The following SLC4A4 variants were observed in gnomAD, a reference collection of about 807,000 sequenced individuals.
SLC4A4 encodes electrogenic sodium bicarbonate cotransporter 1.
SLC4A4 carries 27 observed loss-of-function variants against 111.5 expected under a neutral mutation model. The ratio of observed to expected loss-of-function variants is 0.24; its 90% CI spans 0.18 to 0.33. The LOEUF is 0.33. SLC4A4 is among the 10% of genes least tolerant of loss of function. SLC4A4 has a pLI of 1.00. For synonymous variants in SLC4A4, 443 were observed against 463.4 expected (o/e 0.96, Z 0.57); for missense variants, 909 against 1,315.5 (o/e 0.69, Z 4.78).
At chr4:71,296,802 T>G (rs1361424625) in intron 3 of SLC4A4, among the ~76,000 whole-genome samples, 1 of 152,234 alleles carries the variant, frequency 6.6e-6, no homozygotes, top group Non-Finnish European at 1.5e-5. Context: ...TATTCTGTCC[T>G]TGTGGATCTG....
rs182420690 is a variant in SLC4A4, at chr4:71,206,091, A to T, written c.-2+18690A>T. 8.1e-4 allele frequency among the ~76,000 whole-genome samples: 123 copies of T among 152,308 alleles called. 2 individuals carry two copies. The highest frequency in any genetic ancestry group is 2.7e-3 in the African/African-American group (112 of 41,558). Reference sequence around the variant, plus strand: ...TTTGCCTCTCTATAGTTCTTTCCATAAGCAAAGTAGTTATTTTCCTGTAAG... The same window carrying T: ...TTTGCCTCTCTATAGTTCTTTCCATTAGCAAAGTAGTTATTTTCCTGTAAG... On this transcript the variant is annotated intron_variant, in intron 1 of 25. Transcript: ENST00000264485.
At chr4:71,235,748 T>C (rs1238035836) in intron 1 of SLC4A4, among the ~76,000 whole-genome samples, 3 of 152,210 alleles carry the variant, frequency 2.0e-5, no homozygotes, top group Non-Finnish European at 1.5e-5. Context: ...TTATTTAGCA[T>C]ATGAAATTGC....
chr4:71,536,565 C>T (rs1734520644), intron 18 of SLC4A4, among the ~76,000 whole-genome samples: 1 of 147,620 alleles, frequency 6.8e-6, no homozygotes, highest in African/African-American at 2.5e-5. Flanking sequence ...GGCTTGATCT[C>T]AGCTCAATTC....
At chr4:71,494,527 C>T (rs1224635756) in intron 15 of SLC4A4, among the ~76,000 whole-genome samples, 1 of 151,908 alleles carries the variant, frequency 6.6e-6, no homozygotes, top group Non-Finnish European at 1.5e-5. Context: ...GTTGCCCAGG[C>T]TAGTCTCAAA....
chr4:71,382,123 T>G (rs932664483), intron 6 of SLC4A4, among the ~76,000 whole-genome samples: 1 of 152,118 alleles, frequency 6.6e-6, no homozygotes, highest in Non-Finnish European at 1.5e-5. Flanking sequence ...AGATATTTTA[T>G]TGAGACTCCT....
At chr4:71,123,295 C>T (rs1219174854) in intron 2 of SLC4A4, among the ~76,000 whole-genome samples, 1 of 152,038 alleles carries the variant, frequency 6.6e-6, no homozygotes, top group Non-Finnish European at 1.5e-5. Flanking sequence ...ATGAAAAAGG[C>T]ATATAACCAT....
chr4:71,086,572 A>T (rs1198503076), intron 1 of SLC4A4, among the ~76,000 whole-genome samples: 2 of 152,012 alleles, frequency 1.3e-5, no homozygotes, highest in Admixed American at 1.3e-4. Flanking sequence ...ATTTTGAGAT[A>T]TGTCCCATCA....
chr4:71,329,075 G>GTT (rs1727734619), intron 3 of SLC4A4, among the ~76,000 whole-genome samples: 1 of 151,978 alleles, frequency 6.6e-6, no homozygotes, highest in South Asian at 2.1e-4. Context: ...CGAAGAAACT[G>GTT]TTTTTCCCCA....
chr4:71,483,086 T>C (rs758809117), intron 14 of SLC4A4, among the ~76,000 whole-genome samples: 2 of 151,698 alleles, frequency 1.3e-5, no homozygotes, highest in African/African-American at 2.4e-5. Flanking sequence ...ATTTTGTTAA[T>C]AATTATTTAC....
chr4:71,169,007 TTTTA>T (rs933305594), intron 2 of SLC4A4, among the ~76,000 whole-genome samples: 7 of 151,866 alleles, frequency 4.6e-5, no homozygotes, highest in Non-Finnish European at 2.9e-5. Flanking sequence ...GCAGCTCTAT[TTTTA>T]TTTATTTATT....
chr4:71,206,847 C>A (rs1019478575), intron 1 of SLC4A4, among the ~76,000 whole-genome samples: 2 of 151,062 alleles, frequency 1.3e-5, no homozygotes, highest in Non-Finnish European at 3.0e-5. Flanking sequence ...GGTTTCCGAC[C>A]CTAGTGATTG....
intron 12 of SLC4A4, among the ~76,000 whole-genome samples, chr4:71,459,156 G>GT (rs1283473299): frequency 6.6e-6 from 1 of 151,900 alleles, no homozygotes; most frequent in African/African-American, 2.4e-5. Flanking sequence ...TATTTGGTGG[G>GT]TTTTTTTATT....
chr4:71,499,330 T>C (rs1478724101), intron 16 of SLC4A4, among the ~76,000 whole-genome samples: 2 of 152,174 alleles, frequency 1.3e-5, no homozygotes, highest in African/African-American at 4.8e-5. Flanking sequence ...AATTGACCAA[T>C]AATAATGTAA....
At chr4:71,279,323 A>G (rs1723314161) in intron 3 of SLC4A4, among the ~76,000 whole-genome samples, 1 of 152,034 alleles carries the variant, frequency 6.6e-6, no homozygotes, top group Non-Finnish European at 1.5e-5. Flanking sequence ...GATTCCACAT[A>G]TAAGTGAGAT....
chr4:71,234,334 A>G (rs1719648316), intron 1 of SLC4A4, among the ~76,000 whole-genome samples: 1 of 152,256 alleles, frequency 6.6e-6, no homozygotes, highest in Admixed American at 6.5e-5. Flanking sequence ...CAGGCACTAA[A>G]TAAATATTTG....
upstream of SLC4A4, among the ~76,000 whole-genome samples, chr4:71,182,278 G>C (rs1264106734): frequency 6.6e-6 from 1 of 152,088 alleles, no homozygotes; most frequent in Admixed American, 6.6e-5. Context: ...TTTGCTCAGA[G>C]TGCTCTTTCC....
At chr4:71,362,375 G>A (rs997795623) in intron 6 of SLC4A4, among the ~76,000 whole-genome samples, 1 of 152,182 alleles carries the variant, frequency 6.6e-6, no homozygotes, top group Non-Finnish European at 1.5e-5. Context: ...TGCTCTTGAT[G>A]TCTGTGAAAG....
chr4:71,521,919 T>G (rs1732968184), intron 16 of SLC4A4, among the ~76,000 whole-genome samples: 1 of 152,230 alleles, frequency 6.6e-6, no homozygotes. Context: ...CCACTCGTTC[T>G]GGCTCCCATT....
chr4:71,241,633 C>T (rs1474187051), intron 2 of SLC4A4, among the ~76,000 whole-genome samples: 1 of 152,076 alleles, frequency 6.6e-6, no homozygotes, highest in Non-Finnish European at 1.5e-5. Flanking sequence ...CTATTCTGAG[C>T]GCTGGATATA....
Sources: allele counts gnomAD v4.1 joint callset (sites outside exome capture counted in the v4.1 genomes callset), GRCh38; gene constraint gnomAD v4.1.1; transcripts MANE v1.5; gene names NCBI Gene and HGNC (gene_info 2026-07-23, HGNC 2026-07-21).